Variants in GTPBP4 observed in about 807,000 individuals in gnomAD.
GTPBP4 encodes the protein GTP-binding protein 4.
A neutral mutation model predicts 81.7 loss-of-function variants in GTPBP4; 15 were observed. The ratio of observed to expected loss-of-function variants is 0.18; its 90% CI spans 0.12 to 0.28. GTPBP4 has a LOEUF of 0.28. Among genes scored for constraint, GTPBP4 ranks in the 10% least tolerant of loss-of-function variants. The pLI is 1.00. For missense variants in GTPBP4, 847 were observed against 793.8 expected (o/e 1.07, Z -0.81); for synonymous variants, 272 against 274.6 (o/e 0.99, Z 0.09).
chr10:1,003,403 T>G (rs1831673199), intron 8 of GTPBP4, among the ~76,000 whole-genome samples: 1 of 152,248 alleles, frequency 6.6e-6, no homozygotes, highest in African/African-American at 2.4e-5. Context: ...ATTGATTTCC[T>G]TTTCATTAGA....
At chr10:993,979 G>A (rs546899281) in intron 2 of GTPBP4, among the ~76,000 whole-genome samples, 9 of 152,046 alleles carry the variant, frequency 5.9e-5, no homozygotes, top group East Asian at 5.8e-4. Context: ...GGCTTGTCTC[G>A]AACTCCTGAC....
At chr10:1,008,827 G>C (rs752727109) in intron 10 of GTPBP4, 131 bp from the exon 11 acceptor site, 15 of 741,930 alleles carry the variant, frequency 2.0e-5, no homozygotes, top group Non-Finnish European at 3.7e-5. Context: ...ATAATCTGTT[G>C]GTTGTTCATT....
Position 1,019,362 on chromosome 10 carries a change from C to T in GTPBP4, c.*2135C>T. On this transcript the variant is annotated 3_prime_UTR_variant, in exon 17 of 17. Transcript: ENST00000360803. Reference sequence around the variant, plus strand: ...AGGAAAAGGGAAAATGAAGATATGACAAAGTTGATGAAAAGGTTGAAATAG... The same window carrying T: ...AGGAAAAGGGAAAATGAAGATATGATAAAGTTGATGAAAAGGTTGAAATAG... 1.8e-6 allele frequency: 1 copy of T among 569,012 alleles called. No homozygotes were observed. Among genetic ancestry groups the T allele is most frequent in the Non-Finnish European group, 3.1e-6 (1 of 327,024 alleles). The allele number at this position is 569,012 out of a possible 1,614,324, so 35.2% of individuals were successfully genotyped here.
intron 8 of GTPBP4, among the ~76,000 whole-genome samples, chr10:1,005,099 C>G (rs562845569): frequency 2.6e-5 from 4 of 152,258 alleles, no homozygotes; most frequent in African/African-American, 7.2e-5. Context: ...TGCATCCCAG[C>G]TGTAGGGTGG....
intron 11 of GTPBP4, among the ~76,000 whole-genome samples, 166 bp from the exon 12 acceptor site, chr10:1,009,363 C>G (rs997568629): frequency 1.4e-4 from 21 of 152,136 alleles, no homozygotes; most frequent in Admixed American, 1.1e-3. Context: ...AAAGGCTGGC[C>G]CCGCAGACAG....
intron 1 of GTPBP4, among the ~76,000 whole-genome samples, chr10:991,886 G>C (rs112780580): frequency 1.4e-5 from 2 of 144,322 alleles, no homozygotes; most frequent in Non-Finnish European, 3.0e-5. Context: ...TAGTAGAGAC[G>C]GGGTTTCACC....
rs1832055015 is a variant in GTPBP4, at chr10:1,019,672, C to T, written c.*2445C>T. 6.2e-7 allele frequency: 1 copy of T among 1,614,066 alleles called. No individual in the cohort carries two copies. On this transcript the variant is annotated 3_prime_UTR_variant, in exon 17 of 17. Transcript: ENST00000360803. ...CTCTCCAGCAGCTCCCACAGCTCCT[C>T]CTGGGACAGGTAGAGGATGCTTTTC...
In GTPBP4 at chr10:995,995, C is replaced by A; in HGVS notation, c.286C>A (p.Leu96Met). 1 of 1,611,496 alleles carries A rather than the reference C, an allele frequency of 6.2e-7. No individual in the cohort carries two copies. The highest frequency in any genetic ancestry group is 8.5e-7 in the Non-Finnish European group (1 of 1,177,624). The change falls in exon 3 of 17, where the codon CTG becomes ATG. Residue 96 changes from leucine to methionine, a missense_variant. Leu to Met is a conservative substitution (Grantham distance 15, BLOSUM62 2). Around this residue, in one of 3 missense-constraint regions of GTPBP4, gnomAD observed 241 missense variants for 216.3 expected, o/e 1.11. Coordinates refer to ENST00000360803, the MANE Select transcript of GTPBP4 (RefSeq NM_012341.3). The stretch of plus-strand genomic sequence containing the variant: ...CGACAAGGATCATTACAAGTTGGCT[C>A]TGGGGCAAATAAATATTGCCAAAAA... Reference protein sequence around the residue: ...LYDKDHYKLALGQINIAKNLV... With the variant: ...LYDKDHYKLAMGQINIAKNLV...
At chr10:1,013,841 A>G (rs1196583047) in intron 14 of GTPBP4, among the ~76,000 whole-genome samples, 2 of 152,182 alleles carry the variant, frequency 1.3e-5, no homozygotes. Context: ...GTGACTGGTT[A>G]TGGCGGACTT....
At position 1,007,123 on chromosome 10, in the gene GTPBP4, G is replaced by A. The variant is rs995568946; in HGVS notation, c.1108G>A (p.Asp370Asn). ...CCTGGCTATCCCAACCAGGAGGGACGATAAGGTAAGACGGCCCCTGGGACA... is the reference window on the plus strand; with the variant it reads ...CCTGGCTATCCCAACCAGGAGGGACAATAAGGTAAGACGGCCCCTGGGACA... The part of the protein sequence containing the change: ...LHLAIPTRRD[D>N]KERPPFIPEG... The change falls in exon 10 of 17, where the codon GAT becomes AAT. Residue 370 changes from aspartate to asparagine, a missense_variant. By Grantham distance (23) the Asp-to-Asn change is conservative (BLOSUM62 1). Around this residue, in one of 3 missense-constraint regions of GTPBP4, gnomAD observed 600 missense variants for 557.1 expected, o/e 1.08. Coordinates refer to ENST00000360803, the MANE Select transcript of GTPBP4 (RefSeq NM_012341.3). 4.5e-6 allele frequency: 7 copies of A among 1,554,714 alleles called. No homozygotes were observed. The highest frequency in any genetic ancestry group is 3.3e-5 in the Admixed American group (2 of 59,966).
chr10:999,803 A>G (rs904356545), intron 6 of GTPBP4, among the ~76,000 whole-genome samples: 1 of 152,192 alleles, frequency 6.6e-6, no homozygotes. Flanking sequence ...TACTAAAAAT[A>G]CAAAAATTAG....
chr10:1,005,120 G>T (rs1052205047), intron 8 of GTPBP4, among the ~76,000 whole-genome samples: 1 of 152,070 alleles, frequency 6.6e-6, no homozygotes, highest in Non-Finnish European at 1.5e-5. Context: ...GTTGCTGGCG[G>T]CCCAGTGTGT....
chr10:1,016,124 C>T (rs930466191), intron 16 of GTPBP4, among the ~76,000 whole-genome samples: 12 of 152,158 alleles, frequency 7.9e-5, no homozygotes, highest in South Asian at 6.2e-4. Context: ...TTTGCTTTTG[C>T]GGAGGGTGGC....
At chr10:996,762 T>G (rs1319700800) in intron 4 of GTPBP4, 1 of 167,286 alleles carries the variant, frequency 6.0e-6, no homozygotes, top group Non-Finnish European at 1.3e-5. Flanking sequence ...ATCTGTGTGG[T>G]CTTCATGATG....
chr10:1,000,043 A>G (rs1421303279), intron 6 of GTPBP4, among the ~76,000 whole-genome samples: 1 of 152,158 alleles, frequency 6.6e-6, no homozygotes, highest in Non-Finnish European at 1.5e-5. Flanking sequence ...TTCCTAAGAC[A>G]TGGGAGGGTT....
rs1831551007 is a variant in GTPBP4 at position 997,215 on chromosome 10, G to C, written c.468G>C (p.Gln156His). Residue 156 changes from glutamine (Q) to histidine (H), a missense_variant, in exon 5 of 17, where the codon CAG becomes CAC. This residue lies in a region of GTPBP4 where 241 missense variants were observed against 216.3 expected (regional missense o/e 1.11). Transcript: ENST00000360803. Reference sequence around the variant, plus strand: ...AATTTGAACTTTTCCTAGTGCGTCAGCATTTATCCCGTTTGCCAACCATTG... The same window carrying C: ...AATTTGAACTTTTCCTAGTGCGTCACCATTTATCCCGTTTGCCAACCATTG... ...QSLEYLEQVR[Q>H]HLSRLPTIDP... The C allele has an allele frequency of 3.2e-6, 5 of 1,577,464 alleles. No homozygotes were observed. The highest frequency in any genetic ancestry group is 4.4e-6 in the Non-Finnish European group (5 of 1,146,936).
intron 13 of GTPBP4, among the ~76,000 whole-genome samples, 160 bp downstream of exon 13, chr10:1,010,680 C>A (rs940393418): frequency 6.6e-6 from 1 of 150,746 alleles, no homozygotes; most frequent in Non-Finnish European, 1.5e-5. Context: ...CCCTGAGACT[C>A]TGGTGGAGAT....
chr10:1,019,601 A>C lies in GTPBP4; in HGVS notation c.*2374A>C. On this transcript the variant is annotated 3_prime_UTR_variant, in exon 17 of 17. Coordinates refer to ENST00000360803, the MANE Select transcript of GTPBP4 (RefSeq NM_012341.3). ...ACCACCGGTACAGAAACCTCTCGGC[A>C]ATGGTTCTTAGCCAGGGGGTGACTT... 6.2e-7 allele frequency: 1 copy of C among 1,613,896 alleles called. No individual in the cohort carries two copies. Among genetic ancestry groups the C allele is most frequent in the Non-Finnish European group, 8.5e-7 (1 of 1,179,972 alleles).
chr10:1,006,392 A>G (rs1245753715), intron 9 of GTPBP4, among the ~76,000 whole-genome samples: 8 of 152,284 alleles, frequency 5.3e-5, no homozygotes, highest in Admixed American at 3.9e-4. Context: ...TAATCCCAGC[A>G]CTTTGGGAGG....
Sources: allele counts gnomAD v4.1 joint callset (sites outside exome capture counted in the v4.1 genomes callset), GRCh38; gene constraint gnomAD v4.1.1; regional missense constraint gnomAD v4.1.1; transcripts MANE v1.5; gene names NCBI Gene and HGNC (gene_info 2026-07-23, HGNC 2026-07-21).